Variants in CNTNAP4 observed in about 807,000 individuals in gnomAD.
CNTNAP4 encodes the protein contactin-associated protein-like 4.
A neutral mutation model predicts 148.4 loss-of-function variants in CNTNAP4; 98 were observed. That is an observed-to-expected ratio of 0.66 (90% confidence interval 0.56 to 0.78). The LOEUF (loss-of-function observed/expected upper bound fraction) is 0.78. CNTNAP4 is among the 30% of genes least tolerant of loss of function. The probability of loss-of-function intolerance (pLI) is 0.00; values close to 1 mark genes in which losing one functional copy is unlikely to be tolerated. For synonymous variants in CNTNAP4, 730 were observed against 565.1 expected, an observed-to-expected ratio of 1.29 and a Z score of -4.14; for missense variants, 1,935 against 1,565.6, an observed-to-expected ratio of 1.24 and a Z score of -3.98.
chr16:76,416,156 TC>T, intron 3 of CNTNAP4, among the ~76,000 whole-genome samples: 3 of 151,350 alleles, frequency 2.0e-5, no homozygotes, highest in South Asian at 2.1e-4. Context: ...TTCCCTTTTT[TC>T]CCCCATAGAT....
chr16:76,411,614 C>G (rs542297682), intron 3 of CNTNAP4, among the ~76,000 whole-genome samples: 1 of 150,826 alleles, frequency 6.6e-6, no homozygotes, highest in East Asian at 1.9e-4. Flanking sequence ...TCATAGTGTT[C>G]TTAATGATCT....
intron 2 of CNTNAP4, among the ~76,000 whole-genome samples, chr16:76,339,698 C>G (rs1257175508): frequency 1.3e-5 from 2 of 152,188 alleles, no homozygotes; most frequent in Non-Finnish European, 2.9e-5. Context: ...CAGAATCTAT[C>G]TAATTTATTT....
At position 76,408,100 on chromosome 16, in the gene CNTNAP4, C is replaced by T. The variant is rs7205012; in HGVS notation, c.391-19352C>T. On this transcript the variant is annotated intron_variant, in intron 3 of 23. Transcript: ENST00000611870. ...AAGTATTTTAAAATTAAGGCATATA[C>T]ATTTTTAAGGCATATAGCTATTATA... Among the ~76,000 whole-genome samples the T allele has an allele frequency of 1.3e-5, 2 of 151,786 alleles. 1 individual carries two copies. Among genetic ancestry groups the T allele is most frequent in the South Asian group, 4.2e-4 (2 of 4,806 alleles).
intron 3 of CNTNAP4, among the ~76,000 whole-genome samples, chr16:76,369,890 C>T (rs529389497): frequency 1.1e-3 from 161 of 152,116 alleles, no homozygotes; most frequent in African/African-American, 3.8e-3. Context: ...TGCCCTTTCT[C>T]CTCCGTTTTG....
At chr16:76,353,962 A>C (rs545875349) in intron 2 of CNTNAP4, among the ~76,000 whole-genome samples, 46 of 152,334 alleles carry the variant, frequency 3.0e-4, no homozygotes, top group African/African-American at 1.1e-3. Context: ...TCAAGGTTTC[A>C]TAAAATGGGT....
chr16:76,292,766 TC>T (rs1433492531), intron 1 of CNTNAP4, among the ~76,000 whole-genome samples: 3 of 152,182 alleles, frequency 2.0e-5, no homozygotes, highest in Non-Finnish European at 4.4e-5. Flanking sequence ...GACTAGTGTT[TC>T]TCAATACTTC....
chr16:76,289,907 A>G (rs1959045136), intron 1 of CNTNAP4, among the ~76,000 whole-genome samples: 1 of 151,916 alleles, frequency 6.6e-6, no homozygotes, highest in Non-Finnish European at 1.5e-5. Flanking sequence ...TGTTCCTTTT[A>G]TTATTTTCTG....
At chr16:76,472,951 T>G (rs2081426533) in intron 10 of CNTNAP4, among the ~76,000 whole-genome samples, 1 of 151,940 alleles carries the variant, frequency 6.6e-6, no homozygotes. Flanking sequence ...ACCCCTGAAC[T>G]TAAAATAAGA....
intron 10 of CNTNAP4, among the ~76,000 whole-genome samples, chr16:76,474,532 T>C (rs1457242826): frequency 6.6e-6 from 1 of 152,160 alleles, no homozygotes; most frequent in Non-Finnish European, 1.5e-5. Context: ...AACGGGAAGT[T>C]CTCATCCTTA....
chr16:76,318,413 T>G (rs1324675481), intron 2 of CNTNAP4, among the ~76,000 whole-genome samples: 2 of 152,190 alleles, frequency 1.3e-5, no homozygotes, highest in Non-Finnish European at 2.9e-5. Context: ...CTCATTTTCA[T>G]TCTTAATTCA....
chr16:76,336,113 A>G (rs1269319385), intron 2 of CNTNAP4, among the ~76,000 whole-genome samples: 1 of 152,194 alleles, frequency 6.6e-6, no homozygotes, highest in Non-Finnish European at 1.5e-5. Context: ...TAATCTGTGA[A>G]CTGGACTGAC....
chr16:76,414,102 G>T lies in CNTNAP4; in HGVS notation c.391-13350G>T, dbSNP rs188560504. Among the ~76,000 whole-genome samples, 17 of 151,280 alleles carry T rather than the reference G, an allele frequency of 1.1e-4. No individual in the cohort carries two copies. The East Asian group carries it at 2.9e-3, about 26-fold the overall frequency. ...AGTTCATTACATATTTAATGAAAGG[G>T]TCTATACAGAACATACTTGTCACAT... On this transcript the variant is annotated intron_variant, in intron 3 of 23. Transcript: ENST00000611870.
chr16:76,545,634 T>C (rs907572792), intron 21 of CNTNAP4, among the ~76,000 whole-genome samples: 1 of 152,188 alleles, frequency 6.6e-6, no homozygotes, highest in African/African-American at 2.4e-5. Flanking sequence ...TCCAAAATTA[T>C]ATATTTTCAG....
intron 2 of CNTNAP4, among the ~76,000 whole-genome samples, chr16:76,334,208 G>A (rs1234367192): frequency 1.4e-5 from 2 of 147,494 alleles, no homozygotes; most frequent in African/African-American, 2.6e-5. Context: ...ATAATAAACA[G>A]CCTATTCTTT....
intron 2 of CNTNAP4, among the ~76,000 whole-genome samples, chr16:76,328,415 A>C (rs80210252): frequency 0.013 from 1,954 of 152,288 alleles, 28 homozygotes; most frequent in African/African-American, 0.04. Context: ...AAAGCCTGAA[A>C]CGGTCATAAC....
intron 15 of CNTNAP4, among the ~76,000 whole-genome samples, chr16:76,511,872 A>G (rs1568455228): frequency 2.0e-5 from 3 of 146,406 alleles, no homozygotes; most frequent in South Asian, 2.2e-4. Flanking sequence ...ACAATAATCA[A>G]TTGAAATATG....
rs780415859 is a variant in CNTNAP4, at chr16:76,539,788, A to G, written c.3290A>G (p.Asn1097Ser). Reference protein sequence around the residue: ...EPDVVNFDFKNMADGQLHHIM... With the variant: ...EPDVVNFDFKSMADGQLHHIM... ...GATGTTGTTAACTTTGATTTTAAAA[A>G]CATGGCTGATGGACAACTTCACCAC... The change falls in exon 20 of 24, where the codon AAC becomes AGC. Residue 1097 changes from asparagine to serine, a missense_variant. Physicochemically the swap from Asn to Ser is conservative, Grantham distance 46 (BLOSUM62 1). Coordinates refer to ENST00000611870, the MANE Select transcript of CNTNAP4 (RefSeq NM_033401.5). 6.2e-7 allele frequency: 1 copy of G among 1,603,608 alleles called. No homozygotes were observed. The highest frequency in any genetic ancestry group is 1.7e-5 in the Admixed American group (1 of 58,004).
chr16:76,317,866 A>T (rs1961968058), intron 2 of CNTNAP4, among the ~76,000 whole-genome samples: 2 of 152,168 alleles, frequency 1.3e-5, no homozygotes, highest in Non-Finnish European at 2.9e-5. Flanking sequence ...GGAGATACCT[A>T]CTTTTGTGTG....
intron 3 of CNTNAP4, among the ~76,000 whole-genome samples, chr16:76,393,098 AC>A (rs1309375458): frequency 2.6e-5 from 4 of 152,356 alleles, no homozygotes; most frequent in Middle Eastern, 6.8e-3. Context: ...CATGACTCTT[AC>A]AGATTCTCCA....
Sources: gnomAD v4.1 joint callset for allele counts (sites outside exome capture counted in the v4.1 genomes callset) on GRCh38, gnomAD v4.1.1 for gene constraint, MANE v1.5 for transcripts, NCBI Gene and HGNC (gene_info 2026-07-23, HGNC 2026-07-21) for gene names.